The following TNPO1 variants were observed in gnomAD, a reference collection of about 807,000 sequenced individuals.
The protein encoded by TNPO1 is transportin-1.
Under a neutral mutation model 119.5 loss-of-function variants are expected in TNPO1, and 8 were observed. The observed-to-expected ratio is 0.07, with a 90% CI of 0.04 to 0.12. TNPO1 has a LOEUF of 0.12. Ranked by LOEUF, TNPO1 falls within the 10% of genes least tolerant of loss-of-function variation. TNPO1 has a pLI of 1.00. For synonymous variants in TNPO1, 362 were observed against 363.0 expected (o/e 1.00, Z 0.03); for missense variants, 576 against 1,089.8 (o/e 0.53, Z 6.64).
chr5:72,863,125 T>C (rs1580415464), intron 5 of TNPO1, among the ~76,000 whole-genome samples: 1 of 152,138 alleles, frequency 6.6e-6, no homozygotes, highest in East Asian at 1.9e-4. Context: ...GGTTAGTGGA[T>C]ACAGTAAGTA....
At chr5:72,883,705 A>G (rs1006973183) in intron 11 of TNPO1, among the ~76,000 whole-genome samples, 1 of 152,018 alleles carries the variant, frequency 6.6e-6, no homozygotes, top group Non-Finnish European at 1.5e-5. Flanking sequence ...ATAAATACTC[A>G]TGTATAATTT....
chr5:72,819,115 A>T (rs1180848361), intron 1 of TNPO1, among the ~76,000 whole-genome samples: 1 of 152,170 alleles, frequency 6.6e-6, no homozygotes, highest in East Asian at 1.9e-4. Flanking sequence ...CAGGCTGGGA[A>T]GTATAAGAAG....
chr5:72,873,234 A>G (rs1365361816), intron 7 of TNPO1, among the ~76,000 whole-genome samples: 1 of 152,164 alleles, frequency 6.6e-6, no homozygotes, highest in Non-Finnish European at 1.5e-5. Flanking sequence ...AGAAAAGAGC[A>G]TAATTTTCTG....
At chr5:72,877,094 C>CAAAAAAAAAAAAAAAAAAAA (rs35883847) in intron 8 of TNPO1, 134 bp from the exon 9 acceptor site, 1 of 221,758 alleles carries the variant, frequency 4.5e-6, no homozygotes, top group Non-Finnish European at 7.9e-6. Context: ...GACTGCATCT[C>CAAAAAAAAAAAAAAAAAAAA]AAAAAAAAAA....
At chr5:72,842,590 A>T (rs1269372132) in intron 1 of TNPO1, among the ~76,000 whole-genome samples, 1 of 152,202 alleles carries the variant, frequency 6.6e-6, no homozygotes, top group African/African-American at 2.4e-5. Context: ...GTGAAACAGG[A>T]CTGCCCTTCC....
chr5:72,876,509 T>C (rs1049688266), intron 8 of TNPO1, among the ~76,000 whole-genome samples: 5 of 152,344 alleles, frequency 3.3e-5, no homozygotes, highest in Admixed American at 3.3e-4. Flanking sequence ...AAAAATTATC[T>C]TTATAATTTC....
chr5:72,890,528 C>T (rs145858644), intron 14 of TNPO1, among the ~76,000 whole-genome samples: 1 of 152,120 alleles, frequency 6.6e-6, no homozygotes, highest in Non-Finnish European at 1.5e-5. Flanking sequence ...GAATAGACTT[C>T]TATATGATTG....
chr5:72,898,503 G>C (rs544673876), intron 20 of TNPO1, among the ~76,000 whole-genome samples: 1 of 152,072 alleles, frequency 6.6e-6, no homozygotes, highest in African/African-American at 2.4e-5. Context: ...ACAAGTGGCT[G>C]CATAAAGTAT....
intron 4 of TNPO1, among the ~76,000 whole-genome samples, chr5:72,861,417 T>G (rs1746438264): frequency 6.6e-6 from 1 of 152,190 alleles, no homozygotes; most frequent in African/African-American, 2.4e-5. Context: ...GTGTTACTAA[T>G]TTTTTGAGAC....
At chr5:72,842,311 C>T (rs1744949838) in intron 1 of TNPO1, among the ~76,000 whole-genome samples, 1 of 152,068 alleles carries the variant, frequency 6.6e-6, no homozygotes, top group South Asian at 2.1e-4. Context: ...CAGGGGCTTC[C>T]AGACTGGACA....
At chr5:72,874,517 A>AGG (rs1747628541) in intron 7 of TNPO1, among the ~76,000 whole-genome samples, 1 of 152,176 alleles carries the variant, frequency 6.6e-6, no homozygotes, top group Non-Finnish European at 1.5e-5. Flanking sequence ...AATTTAATGG[A>AGG]GGATGTACTG....
At chr5:72,851,182 A>G in intron 2 of TNPO1, 62 bp from the exon 3 acceptor site, 2 of 1,045,340 alleles carry the variant, frequency 1.9e-6, no homozygotes, top group African/African-American at 1.6e-5. Context: ...TTTTAGATTT[A>G]AAATGCTTAA....
At chr5:72,872,510 C>T (rs964955647) in intron 6 of TNPO1, 129 bp from the exon 7 acceptor site, 1 of 567,758 alleles carries the variant, frequency 1.8e-6, no homozygotes. Context: ...AGAAGTTTGA[C>T]GTATTCTTTT....
At chr5:72,845,079 T>TTG in intron 1 of TNPO1, among the ~76,000 whole-genome samples, 1 of 151,508 alleles carries the variant, frequency 6.6e-6, no homozygotes, top group Admixed American at 6.6e-5. Flanking sequence ...AATGCCTTTT[T>TTG]TTTTTTTTGG....
rs1240372540 is a variant in TNPO1, at chr5:72,900,054, C to T, written c.2387C>T (p.Pro796Leu). Residue 796 changes from proline (P) to leucine (L), a missense_variant, in exon 21 of 25, where the codon CCC becomes CTC. This residue lies in a region of TNPO1 where 162 missense variants were observed against 294.1 expected (regional missense o/e 0.55). Transcript: ENST00000337273. The stretch of plus-strand genomic sequence containing the variant: ...TACGTTTGTCCTCAAGAGGTGGCCC[C>T]CATGCTACAGCAGTTTATAAGACCC... ...LGYVCPQEVA[P>L]MLQQFIRPWC... 2 of 1,613,808 alleles carry T rather than the reference C, an allele frequency of 1.2e-6. No individual in the cohort carries two copies. Among genetic ancestry groups the T allele is most frequent in the Non-Finnish European group, 1.7e-6 (2 of 1,179,846 alleles).
intron 1 of TNPO1, among the ~76,000 whole-genome samples, chr5:72,844,343 G>A (rs565809624): frequency 9.6e-4 from 146 of 152,302 alleles, no homozygotes; most frequent in Non-Finnish European, 1.5e-3. Flanking sequence ...TGGAAAATCA[G>A]TGAATGAGGG....
At chr5:72,901,503 C>T (rs1749793463) in intron 22 of TNPO1, among the ~76,000 whole-genome samples, 1 of 152,136 alleles carries the variant, frequency 6.6e-6, no homozygotes, top group Admixed American at 6.5e-5. Context: ...GAATAAAATA[C>T]AAATCAGCCA....
intron 12 of TNPO1, among the ~76,000 whole-genome samples, chr5:72,887,572 C>G (rs1323722368): frequency 6.6e-6 from 1 of 152,170 alleles, no homozygotes; most frequent in Non-Finnish European, 1.5e-5. Flanking sequence ...GTAGTCCCAG[C>G]TACTTGGAAG....
chr5:72,816,672 A>G lies in TNPO1; in HGVS notation c.-66A>G, dbSNP rs974109701. 3 of 1,500,144 alleles carry G rather than the reference A, an allele frequency of 2.0e-6. No individual in the cohort carries two copies. The African/African-American group carries it at 4.4e-5, about 22-fold the overall frequency. 92.9% of individuals were successfully genotyped at this position (1,500,144 alleles called of 1,614,324 possible). ...CCCAGATTCTCTTTGTTCCGCAGCC[A>G]TTTCAGGCCCCGGACAGGAGGCAGT... is the stretch of plus-strand genomic sequence containing the variant. On this transcript the variant is annotated 5_prime_UTR_variant, in exon 1 of 25. Coordinates refer to ENST00000337273, the MANE Select transcript of TNPO1 (RefSeq NM_002270.4).
Sources: allele counts gnomAD v4.1 joint callset (sites outside exome capture counted in the v4.1 genomes callset), GRCh38; gene constraint gnomAD v4.1.1; regional missense constraint gnomAD v4.1.1; transcripts MANE v1.5; gene names NCBI Gene and HGNC (gene_info 2026-07-23, HGNC 2026-07-21).